SORBS2: variants seen among roughly 807,000 people sequenced by gnomAD.
SORBS2 encodes sorbin and SH3 domain containing 2, also known as sorbin and SH3 domain-containing protein 2.
In SORBS2, 46 loss-of-function variants were observed where a neutral mutation model predicts 97.7. The ratio of observed to expected loss-of-function variants is 0.47; its 90% CI spans 0.37 to 0.60. The LOEUF is 0.60. Among genes scored for constraint, SORBS2 ranks in the 20% least tolerant of loss-of-function variants. The probability of loss-of-function intolerance (pLI) is 0.00; values close to 1 mark genes in which losing one functional copy is unlikely to be tolerated. For missense variants in SORBS2, 1,316 were observed against 1,282.3 expected, an observed-to-expected ratio of 1.03 and a Z score of -0.40; for synonymous variants, 476 against 473.4, an observed-to-expected ratio of 1.01 and a Z score of -0.07.
At chr4:185,741,326 G>A (rs1040930240) in intron 2 of SORBS2, among the ~76,000 whole-genome samples, 34 of 151,374 alleles carry the variant, frequency 2.2e-4, no homozygotes, top group African/African-American at 8.2e-4. Context: ...CTTCAGTCCT[G>A]CAATTGCATT....
intron 1 of SORBS2, among the ~76,000 whole-genome samples, chr4:185,816,587 A>G (rs1056733564): frequency 2.6e-5 from 4 of 152,216 alleles, no homozygotes; most frequent in Non-Finnish European, 5.9e-5. Flanking sequence ...ATTTATTTCT[A>G]TGATTCCAAC....
intron 1 of SORBS2, among the ~76,000 whole-genome samples, chr4:185,908,306 T>TATATATATTTGTATACACACAA (rs2099252610): frequency 1.8e-5 from 2 of 110,298 alleles, no homozygotes; most frequent in African/African-American, 7.6e-5. Context: ...TATATATATA[T>TATATATATTTGTATACACACAA]ATATATATAT....
At chr4:185,872,526 G>T (rs1034035825) in intron 1 of SORBS2, among the ~76,000 whole-genome samples, 2 of 152,074 alleles carry the variant, frequency 1.3e-5, no homozygotes, top group Non-Finnish European at 2.9e-5. Context: ...GAAGAATGAT[G>T]ATATTTATCA....
chr4:185,770,668 C>T (rs1029108601), intron 2 of SORBS2, among the ~76,000 whole-genome samples: 3 of 151,968 alleles, frequency 2.0e-5, no homozygotes, highest in South Asian at 2.1e-4. Flanking sequence ...TTTGTGTCAT[C>T]ATGTCCTGAT....
intron 4 of SORBS2, among the ~76,000 whole-genome samples, chr4:185,668,351 C>A (rs1022532612): frequency 1.3e-5 from 2 of 152,228 alleles, no homozygotes; most frequent in Non-Finnish European, 2.9e-5. Context: ...GAATTTCTTT[C>A]ACCACCTCCT....
chr4:185,940,505 A>C (rs2099271430), intron 1 of SORBS2, among the ~76,000 whole-genome samples: 1 of 152,058 alleles, frequency 6.6e-6, no homozygotes. Flanking sequence ...CTCTCACTGG[A>C]CTTGCATTCC....
At chr4:185,603,921 C>T (rs2096341119) in intron 12 of SORBS2, among the ~76,000 whole-genome samples, 2 of 152,132 alleles carry the variant, frequency 1.3e-5, no homozygotes, top group East Asian at 1.9e-4. Flanking sequence ...TGTGGAAGAA[C>T]AAGGCTCAAG....
chr4:185,804,618 A>AT (rs1171504027), intron 1 of SORBS2, among the ~76,000 whole-genome samples: 1 of 152,166 alleles, frequency 6.6e-6, no homozygotes, highest in African/African-American at 2.4e-5. Flanking sequence ...ATACTTATAG[A>AT]TTTTGTGATT....
intron 1 of SORBS2, among the ~76,000 whole-genome samples, chr4:185,934,982 C>T (rs1403102546): frequency 2.0e-5 from 3 of 152,124 alleles, no homozygotes; most frequent in African/African-American, 7.2e-5. Context: ...CCATAATTTG[C>T]ACTTTAGGTG....
intron 1 of SORBS2, among the ~76,000 whole-genome samples, chr4:185,820,373 C>T (rs1270413306): frequency 6.6e-6 from 1 of 152,234 alleles, no homozygotes; most frequent in Non-Finnish European, 1.5e-5. Context: ...CTCCCCTCCC[C>T]TTTAATTTAA....
At chr4:185,699,050 A>G (rs1223058773) in intron 2 of SORBS2, among the ~76,000 whole-genome samples, 1 of 152,190 alleles carries the variant, frequency 6.6e-6, no homozygotes, top group East Asian at 1.9e-4. Context: ...AGCACCTGAA[A>G]TAACATTTAT....
At chr4:185,645,817 A>G (rs1447904749) in intron 4 of SORBS2, 2 of 152,218 alleles carry the variant, frequency 1.3e-5, no homozygotes, top group Admixed American at 1.3e-4. Flanking sequence ...GTGGAGTTTC[A>G]AAGAAAATCC....
At position 185,921,298 on chromosome 4, in the gene SORBS2, G is replaced by A. The variant is rs540385536; in HGVS notation, c.-338+34898C>T. 8.5e-4 allele frequency among the ~76,000 whole-genome samples: 129 copies of A among 152,324 alleles called. 1 individual carries two copies. The highest frequency in any genetic ancestry group is 9.0e-4 in the Non-Finnish European group (61 of 68,040). On this transcript the variant is annotated intron_variant, in intron 1 of 20. Coordinates refer to the SORBS2 transcript ENST00000284776. ...CCGTAAGGATTAGCTAAGCATATCT[G>A]TAAGTACGTGACAATCACTGTAGGC...
At chr4:185,697,271 C>G (rs2098189308) in intron 2 of SORBS2, among the ~76,000 whole-genome samples, 1 of 152,174 alleles carries the variant, frequency 6.6e-6, no homozygotes, top group South Asian at 2.1e-4. Context: ...CTAGACTTTC[C>G]TGAAAATACA....
chr4:185,630,470 T>A (rs1471794), intron 5 of SORBS2, 79 bp downstream of exon 17: 11 of 843,828 alleles, frequency 1.3e-5, no homozygotes, highest in South Asian at 5.3e-5. Flanking sequence ...TACTCATTAC[T>A]ACTTCACTGA....
chr4:185,944,331 T>C (rs894192383), intron 1 of SORBS2, among the ~76,000 whole-genome samples: 1 of 152,206 alleles, frequency 6.6e-6, no homozygotes, highest in Non-Finnish European at 1.5e-5. Context: ...ATTGACACTT[T>C]CATTGACATC....
chr4:185,604,233 G>C (rs2096352251), intron 12 of SORBS2, among the ~76,000 whole-genome samples: 2 of 152,220 alleles, frequency 1.3e-5, no homozygotes, highest in Non-Finnish European at 1.5e-5. Flanking sequence ...TTAGCAATCA[G>C]TATTTATGTA....
At chr4:185,931,952 T>C (rs2099266669) in intron 1 of SORBS2, among the ~76,000 whole-genome samples, 1 of 151,676 alleles carries the variant, frequency 6.6e-6, no homozygotes, top group African/African-American at 2.4e-5. Flanking sequence ...GAGATTGCCC[T>C]AGAGTACATC....
chr4:185,639,002 T>C (rs947445013), intron 4 of SORBS2: 3 of 1,522,326 alleles, frequency 2.0e-6, no homozygotes, highest in African/African-American at 1.4e-5. Flanking sequence ...CCAGGTTCCC[T>C]TGGAACAGGT....
Sources: allele counts gnomAD v4.1 joint callset (sites outside exome capture counted in the v4.1 genomes callset), GRCh38; gene constraint gnomAD v4.1.1; transcripts MANE v1.5; gene names NCBI Gene and HGNC (gene_info 2026-07-23, HGNC 2026-07-21).